ZNF251: variants seen among roughly 807,000 people sequenced by gnomAD.
ZNF251 encodes the protein zinc finger protein 251.
A neutral mutation model predicts 13.5 loss-of-function variants in ZNF251; 14 were observed. The observed-to-expected ratio is 1.04, with a 90% CI of 0.69 to 1.63. The LOEUF is 1.63. ZNF251 is among the 40% of genes most tolerant of loss of function. ZNF251 has a pLI of 0.00. For synonymous variants in ZNF251, 287 were observed against 295.2 expected (o/e 0.97, Z 0.28); for missense variants, 764 against 834.9 (o/e 0.92, Z 1.05).
In ZNF251 at chr8:144,729,019, C is replaced by T. The variant is rs377735468; in HGVS notation, c.278-5637G>A. On this transcript the variant is annotated intron_variant, in intron 4 of 4. Coordinates refer to ENST00000292562, the MANE Select transcript of ZNF251 (RefSeq NM_138367.2). ...AGGAGAATCACTAGAACCTGGGAGG[C>T]GGAGGTTGCAGTGAGCTGAGATCGC... Among the ~76,000 whole-genome samples, 9 of 134,362 alleles carry T rather than the reference C, an allele frequency of 6.7e-5. No individual in the cohort carries two copies. The East Asian group carries it at 1.9e-3, about 28-fold the overall frequency. The allele number at this position is 134,362 out of a possible 152,430, so 88.1% of individuals were successfully genotyped here. A position where few individuals can be genotyped will look rare whatever the true frequency, so the allele number is the denominator to read the frequency against.
At chr8:144,752,564 T>C (rs1824747247) in intron 4 of ZNF251, among the ~76,000 whole-genome samples, 1 of 152,214 alleles carries the variant, frequency 6.6e-6, no homozygotes, top group African/African-American at 2.4e-5. Flanking sequence ...ACGATATAAT[T>C]TTACAATCTT....
chr8:144,733,282 T>A (rs1383354610), intron 4 of ZNF251, among the ~76,000 whole-genome samples: 1 of 152,230 alleles, frequency 6.6e-6, no homozygotes, highest in African/African-American at 2.4e-5. Flanking sequence ...GGCTCACGCC[T>A]GTAATCCTAG....
rs1288189297 is a variant in ZNF251, at chr8:144,722,532, G to T, written c.1128C>A (p.Pro376=). ...QHERIHTGEK[P]HKCNQCGKAF... is the part of the protein sequence containing the mutation. ...CCTTCCCACACTGATTGCATTTATG[G>T]GGCTTCTCTCCAGTGTGAATTCTCT... The change falls in exon 5 of 5, where the codon CCC becomes CCA. Residue 376 remains proline (P), a synonymous_variant. Transcript: ENST00000292562. This position sits in a 1 kb window ranked among gnomAD's most constrained non-coding sequence, Gnocchi z 4.8. 5.0e-6 allele frequency: 8 copies of T among 1,613,784 alleles called. No homozygotes were observed. Among genetic ancestry groups the T allele is most frequent in the Non-Finnish European group, 6.8e-6 (8 of 1,179,940 alleles).
intron 1 of ZNF251, 74 bp downstream of exon 1, chr8:144,755,331 T>C (rs1017695088): frequency 1.6e-6 from 2 of 1,250,644 alleles, no homozygotes; most frequent in Non-Finnish European, 2.1e-6. Flanking sequence ...GGCCGCCGCC[T>C]CCCCGCGCCC....
intron 4 of ZNF251, chr8:144,729,994 G>A (rs1823645635): frequency 1.0e-6 from 1 of 970,576 alleles, no homozygotes; most frequent in Non-Finnish European, 1.2e-6. Context: ...CCCACCCAGG[G>A]CTGGCGTTGT....
chr8:144,745,342 T>C (rs1824372106), intron 4 of ZNF251, among the ~76,000 whole-genome samples: 1 of 152,102 alleles, frequency 6.6e-6, no homozygotes, highest in Admixed American at 6.6e-5. Context: ...CTCTGTTCTG[T>C]TTCATTGATC....
chr8:144,748,132 G>C (rs1167501138), intron 4 of ZNF251, among the ~76,000 whole-genome samples: 1 of 151,902 alleles, frequency 6.6e-6, no homozygotes, highest in Non-Finnish European at 1.5e-5. Context: ...GCAGTGCAAT[G>C]GTGCAATCTT....
intron 4 of ZNF251, among the ~76,000 whole-genome samples, chr8:144,736,337 A>C (rs1293248589): frequency 1.3e-5 from 2 of 152,082 alleles, no homozygotes; most frequent in African/African-American, 4.8e-5. Context: ...GACAAGAAAA[A>C]CTTTCAGTAC....
chr8:144,753,703 A>T lies in ZNF251; in HGVS notation c.257T>A (p.Ile86Asn), dbSNP rs1336091359. 1.3e-6 allele frequency: 2 copies of T among 1,587,674 alleles called. No individual in the cohort carries two copies. Among genetic ancestry groups the T allele is most frequent in the Non-Finnish European group, 1.7e-6 (2 of 1,166,220 alleles). Reference protein sequence around the residue: ...LNLLGAEEPDILKSCQKDSEV... With the variant: ...LNLLGAEEPDNLKSCQKDSEV... ...CTCACCTTTCTGGCAGCTTTTCAAG[A>T]TATCTGGTTCCTCAGCTCCCAGAAG... Residue 86 changes from isoleucine (I) to asparagine (N), a missense_variant, in exon 4 of 5, where the codon ATC (isoleucine) becomes AAC (asparagine). Ile to Asn is a moderately radical substitution (Grantham distance 149). Transcript: ENST00000292562.
chr8:144,730,716 C>T (rs999339272), intron 4 of ZNF251, among the ~76,000 whole-genome samples: 2 of 152,240 alleles, frequency 1.3e-5, no homozygotes, highest in Non-Finnish European at 2.9e-5. Flanking sequence ...TCAGACATGG[C>T]GGTAGGGCAG....
At chr8:144,739,424 T>A (rs574014805) in intron 4 of ZNF251, among the ~76,000 whole-genome samples, 2 of 152,142 alleles carry the variant, frequency 1.3e-5, no homozygotes, top group South Asian at 4.2e-4. Context: ...CCGCCTAAAC[T>A]AGGATCAAAA....
intron 4 of ZNF251, among the ~76,000 whole-genome samples, chr8:144,751,316 G>A (rs568228007): frequency 6.6e-6 from 1 of 152,122 alleles, no homozygotes; most frequent in Non-Finnish European, 1.5e-5. Context: ...TATTTATTTG[G>A]CCTTTTTCCT....
chr8:144,732,544 G>T lies in ZNF251; in HGVS notation c.278-9162C>A, dbSNP rs1018575104. 3.6e-4 allele frequency among the ~76,000 whole-genome samples: 55 copies of T among 152,184 alleles called. 1 individual carries two copies. The highest frequency in any genetic ancestry group is 1.0e-4 in the Non-Finnish European group (7 of 68,044). On this transcript the variant is annotated intron_variant, in intron 4 of 4. Transcript: ENST00000292562. Reference sequence around the variant, plus strand: ...TAGACTGAGCCAAGCCGGGCGCGGTGGCTCACGCCTGTAATCCCAGCACTT... The same window carrying T: ...TAGACTGAGCCAAGCCGGGCGCGGTTGCTCACGCCTGTAATCCCAGCACTT...
At chr8:144,740,042 T>C (rs1824084687) in intron 4 of ZNF251, among the ~76,000 whole-genome samples, 2 of 152,164 alleles carry the variant, frequency 1.3e-5, no homozygotes, top group Admixed American at 1.3e-4. Flanking sequence ...TCCCAGCACT[T>C]TGGGAGGCCG....
At chr8:144,751,273 A>G (rs189478611) in intron 4 of ZNF251, among the ~76,000 whole-genome samples, 2 of 152,232 alleles carry the variant, frequency 1.3e-5, no homozygotes, top group African/African-American at 4.8e-5. Flanking sequence ...GATGACTTCT[A>G]AAGTCCTTAC....
chr8:144,720,978 T>C lies in ZNF251; in HGVS notation c.*666A>G, dbSNP rs1823359316. The C allele has an allele frequency of 6.6e-6, 1 of 152,284 alleles. No homozygotes were observed. Among genetic ancestry groups the C allele is most frequent in the Non-Finnish European group, 1.5e-5 (1 of 68,092 alleles). The allele number at this position is 152,284 out of a possible 1,614,324, so 9.4% of individuals were successfully genotyped here. On this transcript the variant is annotated 3_prime_UTR_variant, in exon 5 of 5. Coordinates refer to ENST00000292562, the MANE Select transcript of ZNF251 (RefSeq NM_138367.2). ...ATAAACCTGCCTTTAAAAAATTTTT[T>C]ATCAGTAATTACAATTTTCAAAAGT... is the stretch of plus-strand genomic sequence containing the variant.
At chr8:144,736,976 G>A (rs1823925312) in intron 4 of ZNF251, among the ~76,000 whole-genome samples, 1 of 150,720 alleles carries the variant, frequency 6.6e-6, no homozygotes, top group Non-Finnish European at 1.5e-5. Context: ...TAATTTTTTT[G>A]TATTTTTAGT....
intron 4 of ZNF251, among the ~76,000 whole-genome samples, chr8:144,750,899 G>GA (rs2130092215): frequency 6.6e-6 from 1 of 150,618 alleles, no homozygotes; most frequent in South Asian, 2.1e-4. Context: ...ACTCAGGCTG[G>GA]AGTGCAGTAG....
At chr8:144,745,083 G>GGGGAGCGGGAGGGGAAA (rs1824356315) in intron 4 of ZNF251, among the ~76,000 whole-genome samples, 3 of 152,118 alleles carry the variant, frequency 2.0e-5, no homozygotes, top group African/African-American at 7.2e-5. Flanking sequence ...GGGAGGGGAA[G>GGGGAGCGGGAGGGGAAA]GGGAGCGGAG....
Sources: gnomAD v4.1 joint callset for allele counts (sites outside exome capture counted in the v4.1 genomes callset) on GRCh38, gnomAD v4.1.1 for gene constraint, Gnocchi (gnomAD v3.1) non-coding constraint, MANE v1.5 for transcripts, NCBI Gene and HGNC (gene_info 2026-07-23, HGNC 2026-07-21) for gene names.